ACYP2: variants seen among roughly 807,000 people sequenced by gnomAD.
The protein encoded by ACYP2 is acylphosphatase 2, also known as acylphosphatase-2.
ACYP2 carries 12 observed loss-of-function variants against 11.2 expected under a neutral mutation model. The ratio of observed to expected loss-of-function variants is 1.08; its 90% CI spans 0.69 to 1.74. The LOEUF (loss-of-function observed/expected upper bound fraction) is 1.74, where lower values mean the gene tolerates loss of function less well. Among genes scored for constraint, ACYP2 ranks in the 40% most tolerant of loss-of-function variants. The pLI is 0.00. For synonymous variants in ACYP2, 43 were observed against 32.2 expected, an observed-to-expected ratio of 1.33 and a Z score of -1.13; for missense variants, 134 against 101.9, an observed-to-expected ratio of 1.31 and a Z score of -1.35.
intron 4 of ACYP2, among the ~76,000 whole-genome samples, chr2:54,064,680 C>T (rs1392350954): frequency 6.6e-6 from 1 of 152,142 alleles, no homozygotes; most frequent in African/African-American, 2.4e-5. Flanking sequence ...ATTATAAGTA[C>T]AAAGGGAAGA....
intron 2 of ACYP2, among the ~76,000 whole-genome samples, chr2:53,980,533 G>A (rs1201644751): frequency 6.6e-6 from 1 of 151,968 alleles, no homozygotes; most frequent in Non-Finnish European, 1.5e-5. Context: ...GCTGGGCAAC[G>A]TGGTGAGACC....
intron 6 of ACYP2, among the ~76,000 whole-genome samples, chr2:54,159,762 G>A (rs1682624814): frequency 6.6e-6 from 1 of 151,992 alleles, no homozygotes; most frequent in Non-Finnish European, 1.5e-5. Context: ...CTGCCTTGGG[G>A]AACAGGACAG....
chr2:53,986,629 CT>C (rs778989738), intron 2 of ACYP2, among the ~76,000 whole-genome samples: 775 of 136,036 alleles, frequency 5.7e-3, no homozygotes, highest in Admixed American at 6.3e-3. Flanking sequence ...CAAACCCGGC[CT>C]TTTTTTTTTT....
chr2:54,256,057 G>C, intron 6 of ACYP2: 1 of 1,614,146 alleles, frequency 6.2e-7, no homozygotes, highest in East Asian at 2.2e-5. Flanking sequence ...TACCTCTGTC[G>C]CCTTGCTCTT....
At chr2:54,011,350 C>T (rs1270631271) in intron 2 of ACYP2, among the ~76,000 whole-genome samples, 2 of 152,108 alleles carry the variant, frequency 1.3e-5, no homozygotes, top group South Asian at 4.1e-4. Flanking sequence ...ATAAAACGTT[C>T]TCTCTCCTGC....
intron 4 of ACYP2, among the ~76,000 whole-genome samples, chr2:54,131,870 C>T (rs1680917594): frequency 6.6e-6 from 1 of 152,116 alleles, no homozygotes; most frequent in Admixed American, 6.6e-5. Flanking sequence ...TACTGGGCTC[C>T]ACCTGTAGCA....
At chr2:54,236,652 T>A (rs920860987) in intron 6 of ACYP2, among the ~76,000 whole-genome samples, 10 of 152,204 alleles carry the variant, frequency 6.6e-5, no homozygotes, top group Admixed American at 5.9e-4. Flanking sequence ...AATGTGTATA[T>A]TCTGATGTTT....
At chr2:54,204,390 C>G (rs1684988757) in intron 6 of ACYP2, among the ~76,000 whole-genome samples, 1 of 150,924 alleles carries the variant, frequency 6.6e-6, no homozygotes, top group Non-Finnish European at 1.5e-5. Context: ...TTTTCTTCTT[C>G]CAGTGTGGCC....
chr2:54,207,067 A>G (rs1685100600), intron 6 of ACYP2, among the ~76,000 whole-genome samples: 1 of 151,568 alleles, frequency 6.6e-6, no homozygotes, highest in South Asian at 2.1e-4. Flanking sequence ...TGTAGAGGGA[A>G]AGTATGTGTC....
At chr2:54,124,637 C>T (rs942881467) in intron 4 of ACYP2, among the ~76,000 whole-genome samples, 1 of 152,210 alleles carries the variant, frequency 6.6e-6, no homozygotes, top group Admixed American at 6.5e-5. Context: ...CTCAAACTTA[C>T]TGTTTTAAGA....
intron 4 of ACYP2, among the ~76,000 whole-genome samples, chr2:54,114,865 C>G (rs1679662314): frequency 6.6e-6 from 1 of 152,236 alleles, no homozygotes. Flanking sequence ...TCCTTCCTGA[C>G]TGTACAGAAG....
intron 6 of ACYP2, among the ~76,000 whole-genome samples, chr2:54,237,115 C>T (rs1686518524): frequency 6.6e-6 from 1 of 152,144 alleles, no homozygotes; most frequent in African/African-American, 2.4e-5. Flanking sequence ...ATTTAAAACA[C>T]ATGGGAATAC....
At chr2:54,118,184 C>G (rs1047507117) in intron 4 of ACYP2, among the ~76,000 whole-genome samples, 2 of 152,180 alleles carry the variant, frequency 1.3e-5, no homozygotes, top group African/African-American at 4.8e-5. Flanking sequence ...GAACATTATG[C>G]ATGGATCTGT....
intron 6 of ACYP2, among the ~76,000 whole-genome samples, chr2:54,251,794 G>A (rs943409771): frequency 4.6e-5 from 7 of 152,088 alleles, no homozygotes; most frequent in African/African-American, 7.2e-5. Context: ...CTTACTATTC[G>A]GTATAATAGA....
chr2:54,263,323 A>G lies in ACYP2; in HGVS notation c.405-41365A>G, dbSNP rs567301766. On this transcript the variant is annotated intron_variant, in intron 6 of 6. Coordinates refer to ENST00000607452, the MANE Select transcript of ACYP2 (RefSeq NM_001320586.2). ...GTCAAGAGGACAACATCAAGGGGAT[A>G]GTGCTAAACCATTCATGAGAAGCTG... Among the ~76,000 whole-genome samples, 6 of 152,330 alleles carry G rather than the reference A, an allele frequency of 3.9e-5. No homozygotes were observed. In the East Asian group the frequency reaches 1.2e-3, roughly 29 times the overall value.
intron 6 of ACYP2, among the ~76,000 whole-genome samples, chr2:54,303,161 G>A (rs13432937): frequency 0.12 from 18,719 of 152,120 alleles, 1,640 homozygotes; most frequent in African/African-American, 0.24. Context: ...ACCAGCCTAG[G>A]CAACATGGTG....
chr2:54,304,165 A>G (rs1689828765), intron 6 of ACYP2, among the ~76,000 whole-genome samples: 1 of 151,880 alleles, frequency 6.6e-6, no homozygotes, highest in African/African-American at 2.4e-5. Flanking sequence ...TTTTTCAAAA[A>G]TTATGTTTCT....
chr2:54,157,697 C>G (rs1210448785), intron 6 of ACYP2, among the ~76,000 whole-genome samples: 1 of 152,204 alleles, frequency 6.6e-6, no homozygotes, highest in Admixed American at 6.5e-5. Flanking sequence ...ATACAAGATA[C>G]TTTCAAATAG....
chr2:54,001,685 T>C (rs1285576408), intron 2 of ACYP2, among the ~76,000 whole-genome samples: 1 of 152,214 alleles, frequency 6.6e-6, no homozygotes, highest in East Asian at 1.9e-4. Flanking sequence ...TGAGCCACTG[T>C]GTCTAGCCAA....
Sources: allele counts gnomAD v4.1 joint callset (sites outside exome capture counted in the v4.1 genomes callset), GRCh38; gene constraint gnomAD v4.1.1; transcripts MANE v1.5; gene names NCBI Gene and HGNC (gene_info 2026-07-23, HGNC 2026-07-21).